IQGAP1: variants seen among roughly 807,000 people sequenced by gnomAD.
IQGAP1 encodes IQ motif containing GTPase activating protein 1, also known as ras GTPase-activating-like protein IQGAP1.
Under a neutral mutation model 215.6 loss-of-function variants are expected in IQGAP1, and 66 were observed. The ratio of observed to expected loss-of-function variants is 0.31; its 90% CI spans 0.25 to 0.38. IQGAP1 has a LOEUF of 0.38. IQGAP1 is among the 10% of genes least tolerant of loss of function. The pLI is 1.00. For missense variants in IQGAP1, 1,712 were observed against 1,997.1 expected, an observed-to-expected ratio of 0.86 and a Z score of 2.72; for synonymous variants, 772 against 728.7, an observed-to-expected ratio of 1.06 and a Z score of -0.96.
At chr15:90,388,456 G>T in intron 1 of IQGAP1, 60 bp downstream of exon 1, 19 of 695,342 alleles carry the variant, frequency 2.7e-5, no homozygotes, top group Middle Eastern at 8.6e-4. Flanking sequence ...GACGAGGCGC[G>T]ATTTTCCTGG....
chr15:90,460,449 T>C (rs1345509305), intron 15 of IQGAP1, among the ~76,000 whole-genome samples: 1 of 152,202 alleles, frequency 6.6e-6, no homozygotes, highest in Non-Finnish European at 1.5e-5. Flanking sequence ...TTTTGACAAT[T>C]GCTTTTGGAG....
chr15:90,475,803 G>T (rs1289681995), intron 23 of IQGAP1: 1 of 147,940 alleles, frequency 6.8e-6, no homozygotes, highest in African/African-American at 2.5e-5. Context: ...CAACTTAATT[G>T]ACAAAATTTT....
intron 7 of IQGAP1, 114 bp downstream of exon 7, chr15:90,440,729 A>G: frequency 1.5e-6 from 1 of 667,286 alleles, no homozygotes; most frequent in Non-Finnish European, 2.6e-6. Context: ...GTTTAAGTCC[A>G]CAGATGTAGT....
intron 30 of IQGAP1, among the ~76,000 whole-genome samples, chr15:90,484,744 C>T (rs998796424): frequency 6.6e-6 from 1 of 152,106 alleles, no homozygotes; most frequent in African/African-American, 2.4e-5. Context: ...ATCCTGACCT[C>T]ATGATCTGCC....
chr15:90,458,374 G>A (rs1965715953), intron 15 of IQGAP1, among the ~76,000 whole-genome samples: 2 of 152,106 alleles, frequency 1.3e-5, no homozygotes, highest in South Asian at 2.1e-4. Flanking sequence ...TAGACACTTA[G>A]CATGAGTGAC....
chr15:90,491,371 C>T lies in IQGAP1; in HGVS notation c.4287C>T (p.Ile1429=), dbSNP rs751644319. ...EHQRAMQRRA[I]RDAKTPDKMK... ...AGAGAGCCATGCAGAGACGTGCTAT[C>T]CGTGATGCCAAAACACCTGACAAGA... Residue 1429 remains isoleucine, a synonymous_variant, in exon 34 of 38, where the codon ATC becomes ATT. Transcript: ENST00000268182. 1.7e-5 allele frequency: 28 copies of T among 1,613,928 alleles called. No homozygotes were observed. In the East Asian group the frequency reaches 6.0e-4, roughly 35 times the overall value.
chr15:90,413,928 C>T (rs905924851), intron 2 of IQGAP1, among the ~76,000 whole-genome samples: 2 of 152,168 alleles, frequency 1.3e-5, no homozygotes, highest in African/African-American at 4.8e-5. Context: ...GGGGTATATT[C>T]CTTTCTGTAG....
rs77390529 is a variant in IQGAP1, at chr15:90,498,435, C to T, written c.4860+1095C>T. Among the ~76,000 whole-genome samples the T allele has an allele frequency of 8.5e-3, 1,279 of 150,944 alleles. 16 individuals are homozygous for T. Among genetic ancestry groups the T allele is most frequent in the African/African-American group, 0.029 (1,209 of 41,146 alleles). On this transcript the variant is annotated intron_variant, in intron 37 of 37. Transcript: ENST00000268182. ...TTTTTAATTTAAAATTTTTTATTTA[C>T]GTGGAGTTATCAGAACATATTTTTA...
At chr15:90,476,583 C>T in intron 23 of IQGAP1, 80 bp from the exon 24 acceptor site, 1 of 1,084,104 alleles carries the variant, frequency 9.2e-7, no homozygotes, top group Non-Finnish European at 1.3e-6. Context: ...TGAGTTTGCA[C>T]ATGCTGCAAA....
intron 15 of IQGAP1, among the ~76,000 whole-genome samples, chr15:90,463,648 TC>T (rs1249078317): frequency 6.6e-6 from 1 of 152,208 alleles, no homozygotes; most frequent in Non-Finnish European, 1.5e-5. Flanking sequence ...GGTACTAGGT[TC>T]TGCAGCTTTT....
chr15:90,446,206 T>C (rs1311938481), intron 9 of IQGAP1, among the ~76,000 whole-genome samples: 2 of 152,226 alleles, frequency 1.3e-5, no homozygotes, highest in African/African-American at 2.4e-5. Context: ...TTTCTCTACC[T>C]TACTGTTTGG....
At chr15:90,403,423 A>T (rs1168054157) in intron 2 of IQGAP1, among the ~76,000 whole-genome samples, 2 of 152,212 alleles carry the variant, frequency 1.3e-5, no homozygotes, top group African/African-American at 2.4e-5. Context: ...TAAAATTTTT[A>T]AATTTAAAAC....
chr15:90,472,983 A>G lies in IQGAP1; in HGVS notation c.2322A>G (p.Lys774=), dbSNP rs1965926916. ...GATCCAGGATGAATTTCCTGAAGAA[A>G]CAAATCCCTGCCATCACCTGCATTC... ...EFRSRMNFLK[K]QIPAITCIQS... The change falls in exon 19 of 38, where the codon AAA becomes AAG. Residue 774 remains lysine, a synonymous_variant. Transcript: ENST00000268182. 2 of 1,614,128 alleles carry G rather than the reference A, an allele frequency of 1.2e-6. No homozygotes were observed. The highest frequency in any genetic ancestry group is 2.2e-5 in the East Asian group (1 of 44,880).
chr15:90,490,379 G>C (rs552346673), intron 33 of IQGAP1, among the ~76,000 whole-genome samples: 1 of 152,332 alleles, frequency 6.6e-6, no homozygotes, highest in South Asian at 2.1e-4. Flanking sequence ...GATAAGAGCA[G>C]TAAAGAAGAA....
In IQGAP1 at chr15:90,491,002, G is replaced by A. The variant is rs547404800; in HGVS notation, c.4249-331G>A. 1.3e-3 allele frequency among the ~76,000 whole-genome samples: 205 copies of A among 152,244 alleles called. 1 individual carries two copies. Among genetic ancestry groups the A allele is most frequent in the African/African-American group, 4.7e-3 (196 of 41,550 alleles). On this transcript the variant is annotated intron_variant, in intron 33 of 37. Transcript: ENST00000268182. ...TTGTTTTTGTACTTTTAGTAGAGAC[G>A]GTTTCACCGTGTTAGTCAGGATGGT... is the stretch of plus-strand genomic sequence containing the variant.
intron 2 of IQGAP1, among the ~76,000 whole-genome samples, chr15:90,403,601 T>C (rs1048772783): frequency 2.6e-5 from 4 of 152,242 alleles, no homozygotes; most frequent in African/African-American, 7.2e-5. Context: ...TCCGGAGATA[T>C]TCTGTGCATG....
chr15:90,451,416 C>T lies in IQGAP1; in HGVS notation c.1163-1359C>T, dbSNP rs77908365. On this transcript the variant is annotated intron_variant, in intron 11 of 37. Transcript: ENST00000268182. The stretch of plus-strand genomic sequence containing the variant: ...TGGGCTCATGTGAAGAGAGACTGAT[C>T]CCCGGGGTAGTGAGTAGGGGTCCTG... Among the ~76,000 whole-genome samples, 1,208 of 152,248 alleles carry T rather than the reference C, an allele frequency of 7.9e-3. 15 individuals carry two copies. Among genetic ancestry groups the T allele is most frequent in the African/African-American group, 0.028 (1,149 of 41,544 alleles).
At chr15:90,421,863 G>T (rs1464297989) in intron 2 of IQGAP1, among the ~76,000 whole-genome samples, 1 of 152,166 alleles carries the variant, frequency 6.6e-6, no homozygotes, top group Admixed American at 6.5e-5. Context: ...GTCTCACCCT[G>T]TTGGCCAGGT....
In IQGAP1 at chr15:90,426,110, G is replaced by A. The variant is rs773559771; in HGVS notation, c.156G>A (p.Arg52=). The A allele has an allele frequency of 6.2e-6, 10 of 1,601,514 alleles. No homozygotes were observed. The highest frequency in any genetic ancestry group is 7.7e-6 in the Non-Finnish European group (9 of 1,175,658). ...TTGCATCCTCTCTCCTTTGGTGCAG[G>A]TGGATGGAAGCATGCCTAGGGGAAG... ...EYLCHLEEAK[R]WMEACLGEDL... Residue 52 remains arginine, a splice_region_variant and synonymous_variant, in exon 3 of 38, where the codon AGG becomes AGA. Transcript: ENST00000268182.
Sources: gnomAD v4.1 joint callset for allele counts (sites outside exome capture counted in the v4.1 genomes callset) on GRCh38, gnomAD v4.1.1 for gene constraint, MANE v1.5 for transcripts, NCBI Gene and HGNC (gene_info 2026-07-23, HGNC 2026-07-21) for gene names.